Variants in PPA1 observed in about 807,000 individuals in gnomAD.
PPA1 encodes inorganic pyrophosphatase.
Under a neutral mutation model 41.8 loss-of-function variants are expected in PPA1, and 23 were observed. The observed-to-expected ratio is 0.55, with a 90% CI of 0.40 to 0.78. PPA1 has a LOEUF of 0.78. Among genes scored for constraint, PPA1 ranks in the 30% least tolerant of loss-of-function variants. The pLI is 0.00. For synonymous variants in PPA1, 101 were observed against 116.8 expected (o/e 0.86, Z 0.87); for missense variants, 320 against 361.6 (o/e 0.89, Z 0.93).
chr10:70,210,101 A>G, intron 6 of PPA1: 1 of 290,238 alleles, frequency 3.4e-6, no homozygotes, highest in South Asian at 3.0e-5. Flanking sequence ...TTTTTTTCAG[A>G]GACAAGGTCT....
At chr10:70,213,325 A>G (rs1382162803) in intron 6 of PPA1, 138 bp downstream of exon 6, 3 of 1,032,918 alleles carry the variant, frequency 2.9e-6, no homozygotes, top group Non-Finnish European at 4.0e-6. Context: ...AGTCATAGAA[A>G]TAATGCTTGT....
At chr10:70,213,334 G>T in intron 6 of PPA1, 129 bp downstream of exon 6, 1 of 1,103,742 alleles carries the variant, frequency 9.1e-7, no homozygotes, top group Non-Finnish European at 1.3e-6. Context: ...AATAATGCTT[G>T]TCCAGTGCTT....
intron 6 of PPA1, among the ~76,000 whole-genome samples, chr10:70,212,240 T>C (rs1840028732): frequency 6.6e-6 from 1 of 152,258 alleles, no homozygotes; most frequent in Admixed American, 6.5e-5. Context: ...AATCATTTAT[T>C]TGTCAGTATA....
rs866958910 is a variant in PPA1 at position 70,221,086 on chromosome 10, T to A, written c.124-2269A>T. Among the ~76,000 whole-genome samples, 142 of 78,926 alleles carry A rather than the reference T, an allele frequency of 1.8e-3. 3 individuals carry two copies. The highest frequency in any genetic ancestry group is 5.8e-3 in the East Asian group (17 of 2,954). 51.8% of individuals were successfully genotyped at this position (78,926 alleles called of 152,430 possible). A position where few individuals can be genotyped will look rare whatever the true frequency, so the allele number is the denominator to read the frequency against. ...TATATATATATATATATTTTTTTTTTTTTTTTTTTGTAGAGATGGAGCTTT... is the reference window on the plus strand; with the variant it reads ...TATATATATATATATATTTTTTTTTATTTTTTTTTGTAGAGATGGAGCTTT... On this transcript the variant is annotated intron_variant, in intron 2 of 10. Coordinates refer to ENST00000373232, the MANE Select transcript of PPA1 (RefSeq NM_021129.4).
chr10:70,209,134 TATG>T, intron 8 of PPA1, 68 bp downstream of exon 8: 1 of 1,134,720 alleles, frequency 8.8e-7, no homozygotes, highest in Non-Finnish European at 1.3e-6. Context: ...TACAGTGTCT[TATG>T]ATTATTAAAA....
chr10:70,212,618 T>C (rs934376287), intron 6 of PPA1, among the ~76,000 whole-genome samples: 1 of 152,090 alleles, frequency 6.6e-6, no homozygotes, highest in African/African-American at 2.4e-5. Flanking sequence ...AGTCCATGTA[T>C]ATGAGATACC....
At chr10:70,205,470 A>G (rs1459445427) in intron 9 of PPA1, 1 of 152,172 alleles carries the variant, frequency 6.6e-6, no homozygotes, top group Non-Finnish European at 1.5e-5. Flanking sequence ...TTATGCATAT[A>G]TAACAATTTT....
intron 2 of PPA1, among the ~76,000 whole-genome samples, chr10:70,221,459 T>G (rs1427692293): frequency 1.3e-5 from 2 of 152,100 alleles, no homozygotes; most frequent in African/African-American, 2.4e-5. Context: ...ATTACTTAAA[T>G]CTAGGACTGA....
intron 2 of PPA1, 102 bp downstream of exon 2, chr10:70,230,239 C>A: frequency 7.4e-7 from 1 of 1,348,280 alleles, no homozygotes; most frequent in Non-Finnish European, 1.0e-6. Flanking sequence ...CACAGCACAA[C>A]GAGGCATTTT....
intron 8 of PPA1, among the ~76,000 whole-genome samples, chr10:70,208,870 G>A (rs940092048): frequency 6.7e-6 from 1 of 149,542 alleles, no homozygotes; most frequent in African/African-American, 2.5e-5. Context: ...ACGGCTCACT[G>A]CAGCTTCAAC....
rs111837506 is a variant in PPA1, at chr10:70,230,465, ATTTT to A, written c.65-70_65-67del. ...GTATTGCTAAATGCCCACAGTACACATTTTTTTTTTCTGAGATAAGGTCCCTTAC... is the reference window on the plus strand; with the variant it reads ...GTATTGCTAAATGCCCACAGTACACATTTTTTCTGAGATAAGGTCCCTTAC... On this transcript the variant is annotated intron_variant, in intron 1 of 10. Coordinates refer to ENST00000373232, the MANE Select transcript of PPA1 (RefSeq NM_021129.4). 4 of 1,273,950 alleles carry A rather than the reference ATTTT, an allele frequency of 3.1e-6. No homozygotes were observed. In the African/African-American group the frequency reaches 6.0e-5, roughly 19 times the overall value. The allele number at this position is 1,273,950 out of a possible 1,614,324, so 78.9% of individuals were successfully genotyped here. A position where few individuals can be genotyped will look rare whatever the true frequency, so the allele number is the denominator to read the frequency against.
At chr10:70,233,182 G>A (rs1234353993) in intron 1 of PPA1, 82 bp downstream of exon 1, 3 of 1,438,484 alleles carry the variant, frequency 2.1e-6, no homozygotes, top group African/African-American at 1.5e-5. Flanking sequence ...GGCCGAGCGC[G>A]GGCCGCACCC....
Position 70,217,934 on chromosome 10 carries a change from G to T in PPA1, c.178-3C>A. The T allele has an allele frequency of 6.5e-7, 1 of 1,538,106 alleles. No homozygotes were observed. Among genetic ancestry groups the T allele is most frequent in the South Asian group, 1.2e-5 (1 of 81,062 alleles). ...TTTAAAGGGTCCTTTGTAGCAATCT[G>T]AAATAAGAAAATTTCAAATCTTTGC... On this transcript the variant is annotated splice_region_variant and splice_polypyrimidine_tract_variant and intron_variant, in intron 3 of 10. Transcript: ENST00000373232.
intron 2 of PPA1, among the ~76,000 whole-genome samples, chr10:70,221,076 A>AATTTATATATATATATATT (rs1840160424): frequency 5.0e-5 from 2 of 40,050 alleles, no homozygotes; most frequent in African/African-American, 4.0e-4. Flanking sequence ...ATATATATAT[A>AATTTATATATATATATATT]TTTTTTTTTT....
chr10:70,218,673 G>A, intron 3 of PPA1, 91 bp downstream of exon 3: 1 of 1,010,330 alleles, frequency 9.9e-7, no homozygotes, highest in South Asian at 1.4e-5. Flanking sequence ...GAAAAACCTT[G>A]ACGTTCAGAT....
chr10:70,223,554 T>C (rs1293152450), intron 2 of PPA1, among the ~76,000 whole-genome samples: 1 of 152,086 alleles, frequency 6.6e-6, no homozygotes, highest in Non-Finnish European at 1.5e-5. Flanking sequence ...CCACATACTT[T>C]AGCAGGAATT....
intron 2 of PPA1, among the ~76,000 whole-genome samples, chr10:70,220,515 AATTAT>A (rs1451715326): frequency 1.5e-4 from 15 of 96,778 alleles, no homozygotes; most frequent in Non-Finnish European, 2.5e-4. Context: ...TATATATATA[AATTAT>A]ATATGTATTA....
rs750625238 is a variant in PPA1 at position 70,206,317 on chromosome 10, A to G, written c.742T>C (p.Ser248Pro). The stretch of plus-strand genomic sequence containing the variant: ...GGATCACACTTGAAGGGGCTCTCAG[A>G]CAAAGTTGTATTCATGCTATTAAAT... The part of the protein sequence containing the change: ...KGISCMNTTL[S>P]ESPFKCDPDA... The change falls in exon 9 of 11, where the codon TCT becomes CCT. Residue 248 changes from serine to proline, a missense_variant. Ser to Pro is a moderately conservative substitution (Grantham distance 74, BLOSUM62 -1). Coordinates refer to ENST00000373232, the MANE Select transcript of PPA1 (RefSeq NM_021129.4). 7 of 1,612,470 alleles carry G rather than the reference A, an allele frequency of 4.3e-6. No homozygotes were observed. The highest frequency in any genetic ancestry group is 5.9e-6 in the Non-Finnish European group (7 of 1,178,616).
At chr10:70,209,859 C>T (rs561304118) in intron 6 of PPA1, 174 bp from the exon 7 acceptor site, 137 of 719,108 alleles carry the variant, frequency 1.9e-4, no homozygotes, top group South Asian at 1.7e-3. Context: ...AACATTGGAG[C>T]GAAGCCCCTT....
Sources: allele counts gnomAD v4.1 joint callset (sites outside exome capture counted in the v4.1 genomes callset), GRCh38; gene constraint gnomAD v4.1.1; transcripts MANE v1.5; gene names NCBI Gene and HGNC (gene_info 2026-07-23, HGNC 2026-07-21).